AIG1: variants seen among roughly 807,000 people sequenced by gnomAD.
The protein encoded by AIG1 is androgen induced 1.
A neutral mutation model predicts 31.4 loss-of-function variants in AIG1; 23 were observed. The observed-to-expected ratio is 0.73, with a 90% CI of 0.53 to 1.04. AIG1 has a LOEUF of 1.04. Ranked by LOEUF, AIG1 falls within the 50% of genes least tolerant of loss-of-function variation. The probability of loss-of-function intolerance (pLI) is 0.00; values close to 1 mark genes in which losing one functional copy is unlikely to be tolerated. For synonymous variants in AIG1, 100 were observed against 110.5 expected (o/e 0.90, Z 0.60); for missense variants, 274 against 295.0 (o/e 0.93, Z 0.52).
Position 143,279,786 on chromosome 6 carries a change from G to T in AIG1, c.400-4324G>T, listed in dbSNP as rs1442273616. Among the ~76,000 whole-genome samples, 1 of 152,182 alleles carries T rather than the reference G, an allele frequency of 6.6e-6. No homozygotes were observed. The highest frequency in any genetic ancestry group is 2.4e-5 in the African/African-American group (1 of 41,450). ...GTTTTTTGGACACAATCTTCCAAATGATAGCTCCTCATTAAAACTAGCTAA... is the reference window on the plus strand; with the variant it reads ...GTTTTTTGGACACAATCTTCCAAATTATAGCTCCTCATTAAAACTAGCTAA... On this transcript the variant is annotated intron_variant, in intron 3 of 5. Coordinates refer to ENST00000357847, the MANE Select transcript of AIG1 (RefSeq NM_016108.4). The surrounding 1 kb of genome is among the most constrained non-coding windows in gnomAD (Gnocchi z 5.4).
intron 3 of AIG1, chr6:143,188,669 A>G: frequency 1.0e-6 from 1 of 984,404 alleles, no homozygotes; most frequent in Non-Finnish European, 1.2e-6. Context: ...ATAAATAAAT[A>G]AATAGGACCA....
At chr6:143,087,379 G>A (rs1778891351) in intron 1 of AIG1, among the ~76,000 whole-genome samples, 2 of 152,224 alleles carry the variant, frequency 1.3e-5, no homozygotes, top group South Asian at 4.1e-4. Context: ...GTGGGTCATG[G>A]AAGAGAACCA....
At chr6:143,194,911 T>G (rs535214214) in intron 3 of AIG1, among the ~76,000 whole-genome samples, 34 of 152,348 alleles carry the variant, frequency 2.2e-4, no homozygotes, top group Non-Finnish European at 3.5e-4. Context: ...AGCCCCATTG[T>G]GAGCAGTACT....
rs1246721209 is a variant in AIG1 at position 143,268,248 on chromosome 6, G to T, written c.400-15862G>T. On this transcript the variant is annotated intron_variant, in intron 3 of 5. Transcript: ENST00000357847. The surrounding 1 kb of genome is among the most constrained non-coding windows in gnomAD (Gnocchi z 5.0). Reference sequence around the variant, plus strand: ...GTGTGATCTACATGTGGAGCTCAGAGCATGTTTCTTCCTCCAGCCCCCTTC... The same window carrying T: ...GTGTGATCTACATGTGGAGCTCAGATCATGTTTCTTCCTCCAGCCCCCTTC... Among the ~76,000 whole-genome samples, 1 of 152,124 alleles carries T rather than the reference G, an allele frequency of 6.6e-6. No homozygotes were observed. The highest frequency in any genetic ancestry group is 1.5e-5 in the Non-Finnish European group (1 of 68,022).
intron 3 of AIG1, among the ~76,000 whole-genome samples, chr6:143,179,475 G>A (rs185387873): frequency 1.2e-4 from 19 of 152,210 alleles, no homozygotes; most frequent in African/African-American, 4.1e-4. Context: ...TCATCAACTC[G>A]GTCTTGAATT....
intron 1 of AIG1, among the ~76,000 whole-genome samples, chr6:143,085,167 G>A (rs1169546708): frequency 1.3e-5 from 2 of 152,116 alleles, no homozygotes; most frequent in Admixed American, 1.3e-4. Context: ...AGGGAAAAAG[G>A]TACATGCACT....
At chr6:143,198,572 G>C (rs1009951709) in intron 3 of AIG1, among the ~76,000 whole-genome samples, 1 of 152,180 alleles carries the variant, frequency 6.6e-6, no homozygotes, top group Non-Finnish European at 1.5e-5. Flanking sequence ...TAAAATCGAT[G>C]GTCTGGAGGT....
At chr6:143,251,931 A>G (rs1374928128) in intron 3 of AIG1, among the ~76,000 whole-genome samples, 1 of 152,162 alleles carries the variant, frequency 6.6e-6, no homozygotes, top group Non-Finnish European at 1.5e-5. Context: ...TTCATCTCCA[A>G]AGCTTAATCA....
At chr6:143,197,839 G>A (rs1425634351) in intron 3 of AIG1, among the ~76,000 whole-genome samples, 1 of 152,196 alleles carries the variant, frequency 6.6e-6, no homozygotes, top group Admixed American at 6.5e-5. Flanking sequence ...TGCCCTAACT[G>A]TTGCATTGCT....
intron 3 of AIG1, among the ~76,000 whole-genome samples, chr6:143,234,051 A>T (rs1239220676): frequency 6.6e-6 from 1 of 152,206 alleles, no homozygotes; most frequent in African/African-American, 2.4e-5. Flanking sequence ...CCTCTCTGGC[A>T]TCTGTCCATG....
chr6:143,073,277 G>A (rs374906302), intron 1 of AIG1, among the ~76,000 whole-genome samples: 1 of 152,158 alleles, frequency 6.6e-6, no homozygotes, highest in African/African-American at 2.4e-5. Flanking sequence ...TCTATCAACA[G>A]AGAGTTAGGT....
At chr6:143,295,581 A>C (rs9496565) in intron 4 of AIG1, among the ~76,000 whole-genome samples, 50,501 of 151,800 alleles carry the variant, frequency 0.33, 10,524 homozygotes, top group African/African-American at 0.59. Context: ...TTTGTGCCAC[A>C]AACAAATCCC....
At position 143,258,933 on chromosome 6, in the gene AIG1, C is replaced by T. The variant is rs888615031; in HGVS notation, c.400-25177C>T. On this transcript the variant is annotated intron_variant, in intron 3 of 5. Coordinates refer to ENST00000357847, the MANE Select transcript of AIG1 (RefSeq NM_016108.4). The surrounding 1 kb of genome is among the most constrained non-coding windows in gnomAD (Gnocchi z 4.7). ...TAACAATCTGCTCTCATGGGAACCA[C>T]ATCCAAACCATAGCAGAGGTCAACA... Among the ~76,000 whole-genome samples, 1 of 152,196 alleles carries T rather than the reference C, an allele frequency of 6.6e-6. No homozygotes were observed. The highest frequency in any genetic ancestry group is 6.5e-5 in the Admixed American group (1 of 15,282).
At chr6:143,132,971 A>T (rs948916504) in intron 1 of AIG1, among the ~76,000 whole-genome samples, 11 of 151,416 alleles carry the variant, frequency 7.3e-5, no homozygotes, top group Non-Finnish European at 1.3e-4. Flanking sequence ...TTTTGAACTG[A>T]TTTAATTTAG....
intron 1 of AIG1, among the ~76,000 whole-genome samples, chr6:143,087,738 G>A (rs1778936663): frequency 6.6e-6 from 1 of 152,216 alleles, no homozygotes; most frequent in Non-Finnish European, 1.5e-5. Flanking sequence ...AGGCAGAATT[G>A]CTATACTGAC....
In AIG1 at chr6:143,143,500, CAAAAAAAAAAA is replaced by C. The variant is rs60620136; in HGVS notation, c.297+6529_297+6539del. Reference sequence around the variant, plus strand: ...TGGGTGACAGAGCGAGACTTCATCTCAAAAAAAAAAAAAAAAAAAAAAAAAAAAATATATAT... The same window carrying C: ...TGGGTGACAGAGCGAGACTTCATCTCAAAAAAAAAAAAAAAAAATATATAT... On this transcript the variant is annotated intron_variant, in intron 2 of 5. Transcript: ENST00000357847. Among the ~76,000 whole-genome samples the C allele has an allele frequency of 5.0e-3, 137 of 27,494 alleles. 3 individuals carry two copies. Among genetic ancestry groups the C allele is most frequent in the African/African-American group, 0.017 (126 of 7,342 alleles). 18.0% of individuals were successfully genotyped at this position (27,494 alleles called of 152,430 possible).
chr6:143,199,142 T>A lies in AIG1; in HGVS notation c.399+33959T>A, dbSNP rs78221754. 4.3e-3 allele frequency among the ~76,000 whole-genome samples: 649 copies of A among 152,326 alleles called. 20 individuals carry two copies. The East Asian group carries it at 0.062, about 15-fold the overall frequency. On this transcript the variant is annotated intron_variant, in intron 3 of 5. Transcript: ENST00000357847. ...AAATTGCTTTAAAATAAGCTATAACTATTAAATCAGTATTCGTTGAATAAA... is the reference window on the plus strand; with the variant it reads ...AAATTGCTTTAAAATAAGCTATAACAATTAAATCAGTATTCGTTGAATAAA...
chr6:143,342,599 T>C, downstream of AIG1: 1 of 1,066,592 alleles, frequency 9.4e-7, no homozygotes, highest in Non-Finnish European at 1.5e-6. Flanking sequence ...TCAGCTGCTA[T>C]TTGGCAATAC....
At chr6:143,208,821 TA>T (rs796407336) in intron 3 of AIG1, among the ~76,000 whole-genome samples, 1 of 151,912 alleles carries the variant, frequency 6.6e-6, no homozygotes, top group African/African-American at 2.4e-5. Context: ...CTAGGATCCT[TA>T]AAAAAAATCT....
Sources: gnomAD v4.1 joint callset for allele counts (sites outside exome capture counted in the v4.1 genomes callset) on GRCh38, gnomAD v4.1.1 for gene constraint, Gnocchi (gnomAD v3.1) non-coding constraint, MANE v1.5 for transcripts, NCBI Gene and HGNC (gene_info 2026-07-23, HGNC 2026-07-21) for gene names.